Variants in ARHGAP12 observed in about 807,000 individuals in gnomAD.
ARHGAP12 encodes the protein rho GTPase-activating protein 12.
ARHGAP12 carries 64 observed loss-of-function variants against 108.6 expected under a neutral mutation model. The ratio of observed to expected loss-of-function variants is 0.59; its 90% confidence interval spans 0.48 to 0.73. ARHGAP12 has a LOEUF of 0.73. Ranked by LOEUF, ARHGAP12 falls within the 30% of genes least tolerant of loss-of-function variation. ARHGAP12 has a pLI of 0.00. For synonymous variants in ARHGAP12, 312 were observed against 337.2 expected, an observed-to-expected ratio of 0.93 and a Z score of 0.82; for missense variants, 940 against 1,005.9, an observed-to-expected ratio of 0.93 and a Z score of 0.89.
intron 3 of ARHGAP12, among the ~76,000 whole-genome samples, chr10:31,889,426 T>C (rs909012778): frequency 2.6e-5 from 4 of 152,072 alleles, no homozygotes; most frequent in African/African-American, 9.7e-5. Context: ...ACAAAACAAA[T>C]TTTACCAATA....
chr10:31,873,184 C>T (rs1201130393), intron 3 of ARHGAP12, among the ~76,000 whole-genome samples: 1 of 152,148 alleles, frequency 6.6e-6, no homozygotes, highest in Non-Finnish European at 1.5e-5. Context: ...AAAATATTAT[C>T]ACACCACCAT....
At chr10:31,814,052 C>A (rs1484336331) in intron 14 of ARHGAP12, among the ~76,000 whole-genome samples, 1 of 152,168 alleles carries the variant, frequency 6.6e-6, no homozygotes, top group African/African-American at 2.4e-5. Flanking sequence ...TGTGATGCCA[C>A]AGGATGCATA....
chr10:31,903,763 T>TA (rs59513872), intron 3 of ARHGAP12, among the ~76,000 whole-genome samples: 5 of 150,898 alleles, frequency 3.3e-5, no homozygotes, highest in East Asian at 2.0e-4. Flanking sequence ...AATTCAACAG[T>TA]AAAAAAAACC....
chr10:31,861,054 C>G (rs1837094549), intron 4 of ARHGAP12, among the ~76,000 whole-genome samples: 1 of 152,190 alleles, frequency 6.6e-6, no homozygotes, highest in Non-Finnish European at 1.5e-5. Flanking sequence ...GACTCCATCT[C>G]TTAAAAAACT....
intron 1 of ARHGAP12, among the ~76,000 whole-genome samples, chr10:31,924,913 A>G (rs1035195740): frequency 1.1e-4 from 17 of 152,176 alleles, no homozygotes; most frequent in African/African-American, 3.9e-4. Flanking sequence ...GACGTCACAG[A>G]GTATCTACAT....
intron 3 of ARHGAP12, among the ~76,000 whole-genome samples, chr10:31,892,004 A>C (rs1838462922): frequency 6.6e-6 from 1 of 152,122 alleles, no homozygotes; most frequent in African/African-American, 2.4e-5. Context: ...CAAGGTTTTT[A>C]ATCTCTTTGC....
rs147539748 is a variant in ARHGAP12, at chr10:31,805,770, G to C, written c.*1888C>G. On this transcript the variant is annotated 3_prime_UTR_variant, in exon 20 of 20. Transcript: ENST00000344936. Reference sequence around the variant, plus strand: ...AAGAACAAGAACATCACTGATTTGAGTCTAATTGTTTTCCTGGTATACAAT... The same window carrying C: ...AAGAACAAGAACATCACTGATTTGACTCTAATTGTTTTCCTGGTATACAAT... The C allele has an allele frequency of 6.6e-6, 1 of 151,948 alleles. No homozygotes were observed. Among genetic ancestry groups the C allele is most frequent in the Non-Finnish European group, 1.5e-5 (1 of 67,966 alleles). The allele number at this position is 151,948 out of a possible 1,614,324, so 9.4% of individuals were successfully genotyped here. A position where few individuals can be genotyped will look rare whatever the true frequency, so the allele number is the denominator to read the frequency against.
chr10:31,811,937 G>A (rs1430043749), intron 15 of ARHGAP12, among the ~76,000 whole-genome samples: 1 of 152,158 alleles, frequency 6.6e-6, no homozygotes, highest in Non-Finnish European at 1.5e-5. Context: ...TTACAGATGT[G>A]AGCCACTGCA....
At chr10:31,892,087 C>A (rs1838468219) in intron 3 of ARHGAP12, among the ~76,000 whole-genome samples, 2 of 152,082 alleles carry the variant, frequency 1.3e-5, no homozygotes. Context: ...ACCAGGCCTG[C>A]CCTAAAAGAG....
At chr10:31,915,352 C>T (rs563114765) in intron 1 of ARHGAP12, among the ~76,000 whole-genome samples, 1 of 150,236 alleles carries the variant, frequency 6.7e-6, no homozygotes, top group East Asian at 2.0e-4. Flanking sequence ...CGTCATTGCA[C>T]TCCAGCCTGG....
chr10:31,882,977 AT>A (rs1267048530), intron 3 of ARHGAP12, among the ~76,000 whole-genome samples: 1 of 151,758 alleles, frequency 6.6e-6, no homozygotes, highest in African/African-American at 2.4e-5. Context: ...AAGAAAACTG[AT>A]TAAGGTTTCT....
rs1839246647 is a variant in ARHGAP12, at chr10:31,908,925, A to G, written c.-70T>C. On this transcript the variant is annotated splice_region_variant and 5_prime_UTR_variant, in exon 3 of 20. Coordinates refer to ENST00000344936, the MANE Select transcript of ARHGAP12 (RefSeq NM_018287.7). ...GCTTTATGGCTTGTTGGATGAATAT[A>G]GCTGTTTTATTTAAATGGAGAAAGA... The G allele has an allele frequency of 3.7e-6, 5 of 1,362,128 alleles. No homozygotes were observed. Among genetic ancestry groups the G allele is most frequent in the Admixed American group, 4.6e-5 (2 of 43,690 alleles). 84.4% of individuals were successfully genotyped at this position (1,362,128 alleles called of 1,614,324 possible). A position where few individuals can be genotyped will look rare whatever the true frequency, so the allele number is the denominator to read the frequency against.
intron 7 of ARHGAP12, among the ~76,000 whole-genome samples, chr10:31,842,275 C>T (rs1221970816): frequency 1.3e-5 from 2 of 152,020 alleles, no homozygotes; most frequent in African/African-American, 4.8e-5. Context: ...CCTATTTATC[C>T]TGAATTGTAA....
chr10:31,880,993 G>A (rs1444803688), intron 3 of ARHGAP12, among the ~76,000 whole-genome samples: 1 of 151,674 alleles, frequency 6.6e-6, no homozygotes, highest in Non-Finnish European at 1.5e-5. Flanking sequence ...AGCTCAAGAG[G>A]GCAAGGCTGC....
rs754873004 is a variant in ARHGAP12 at position 31,809,009 on chromosome 10, A to T, written c.2248T>A (p.Phe750Ile). 6.3e-7 allele frequency: 1 copy of T among 1,585,890 alleles called. No individual in the cohort carries two copies. The highest frequency in any genetic ancestry group is 8.6e-7 in the Non-Finnish European group (1 of 1,160,258). Reference protein sequence around the residue: ...PLFTFNHFNDFVNAIKQEPRQ... With the variant: ...PLFTFNHFNDIVNAIKQEPRQ... ...ACATACTTACTAATTGCATTAACAA[A>T]ATCATTAAAATGATTAAATGTAAAA... The change falls in exon 18 of 20, where the codon TTT becomes ATT. Residue 750 changes from phenylalanine to isoleucine, a missense_variant. Phe to Ile is a conservative substitution (Grantham distance 21). Coordinates refer to ENST00000344936, the MANE Select transcript of ARHGAP12 (RefSeq NM_018287.7).
At chr10:31,855,611 T>C (rs1836858613) in intron 4 of ARHGAP12, among the ~76,000 whole-genome samples, 1 of 152,206 alleles carries the variant, frequency 6.6e-6, no homozygotes, top group Non-Finnish European at 1.5e-5. Context: ...AATTCAAAAA[T>C]CAGGAGTTTA....
intron 15 of ARHGAP12, among the ~76,000 whole-genome samples, chr10:31,812,261 G>A (rs2808028): frequency 0.51 from 77,964 of 151,848 alleles, 20,309 homozygotes; most frequent in African/African-American, 0.58. Flanking sequence ...TGAAATAACA[G>A]GCAAATAAAT....
chr10:31,858,929 G>C (rs549659963), intron 4 of ARHGAP12, among the ~76,000 whole-genome samples: 1 of 152,270 alleles, frequency 6.6e-6, no homozygotes, highest in Non-Finnish European at 1.5e-5. Flanking sequence ...AACCCGACAA[G>C]CTTACGGAAC....
At chr10:31,919,802 AC>A (rs757942605) in intron 1 of ARHGAP12, among the ~76,000 whole-genome samples, 1 of 149,662 alleles carries the variant, frequency 6.7e-6, no homozygotes, top group Non-Finnish European at 1.5e-5. Context: ...AAAAAAAAAA[AC>A]AAAACCAAAA....
Sources: gnomAD v4.1 joint callset for allele counts (sites outside exome capture counted in the v4.1 genomes callset) on GRCh38, gnomAD v4.1.1 for gene constraint, MANE v1.5 for transcripts, NCBI Gene and HGNC (gene_info 2026-07-23, HGNC 2026-07-21) for gene names.